ESYT3: variants seen among roughly 807,000 people sequenced by gnomAD.
The protein encoded by ESYT3 is extended synaptotagmin 3, also known as extended synaptotagmin-3.
In ESYT3, 101 loss-of-function variants were observed where a neutral mutation model predicts 111.5. The observed-to-expected ratio is 0.91, with a 90% CI of 0.77 to 1.07. The LOEUF (loss-of-function observed/expected upper bound fraction) is 1.07. Ranked by LOEUF, ESYT3 falls within the 50% of genes least tolerant of loss-of-function variation. ESYT3 has a pLI of 0.00. For missense variants in ESYT3, 1,097 were observed against 1,109.4 expected, an observed-to-expected ratio of 0.99 and a Z score of 0.16; for synonymous variants, 416 against 446.8, an observed-to-expected ratio of 0.93 and a Z score of 0.87.
chr3:138,443,268 T>C (rs1366709021), intron 1 of ESYT3, among the ~76,000 whole-genome samples: 2 of 152,242 alleles, frequency 1.3e-5, no homozygotes, highest in Non-Finnish European at 2.9e-5. Context: ...AAAGCAATTG[T>C]TTCCCTCAAA....
In ESYT3 at chr3:138,478,461, A is replaced by G. The variant is rs1286519778; in HGVS notation, c.*1607A>G. The G allele has an allele frequency of 2.6e-5, 4 of 152,212 alleles. No individual in the cohort carries two copies. Among genetic ancestry groups the G allele is most frequent in the Non-Finnish European group, 5.9e-5 (4 of 68,032 alleles). 9.4% of individuals were successfully genotyped at this position (152,212 alleles called of 1,614,324 possible). A position where few individuals can be genotyped will look rare whatever the true frequency, so the allele number is the denominator to read the frequency against. On this transcript the variant is annotated 3_prime_UTR_variant, in exon 23 of 23. Transcript: ENST00000389567. Reference sequence around the variant, plus strand: ...ATTCTAATTGCCCCCTAAATAGACAAGTGCCTTGAAAATGGAGAAGCACCA... The same window carrying G: ...ATTCTAATTGCCCCCTAAATAGACAGGTGCCTTGAAAATGGAGAAGCACCA...
At position 138,476,814 on chromosome 3, in the gene ESYT3, A is replaced by C. The variant is rs2033506031; in HGVS notation, c.2625-4A>C. 1 of 1,613,968 alleles carries C rather than the reference A, an allele frequency of 6.2e-7. No individual in the cohort carries two copies. Among genetic ancestry groups the C allele is most frequent in the Non-Finnish European group, 8.5e-7 (1 of 1,179,860 alleles). On this transcript the variant is annotated splice_polypyrimidine_tract_variant and splice_region_variant and intron_variant, in intron 22 of 22. Transcript: ENST00000389567. ...CGTTAAGTCCAAACGTAACTGTCTT[A>C]CAGGTATGAGCTGACTCCAAATGGA...
chr3:138,466,795 C>T (rs897064787), intron 10 of ESYT3, among the ~76,000 whole-genome samples: 2 of 152,140 alleles, frequency 1.3e-5, no homozygotes, highest in African/African-American at 4.8e-5. Context: ...GCAGGCTGTA[C>T]ATGAAGCATA....
Position 138,476,293 on chromosome 3 carries a change from C to T in ESYT3, c.2539C>T (p.Pro847Ser), listed in dbSNP as rs1202366820. 1.9e-6 allele frequency: 3 copies of T among 1,613,632 alleles called. No individual in the cohort carries two copies. The highest frequency in any genetic ancestry group is 2.5e-6 in the Non-Finnish European group (3 of 1,179,656). Reference protein sequence around the residue: ...SLDVAVKNSRPLGSHRRKELG... With the variant: ...SLDVAVKNSRSLGSHRRKELG... The stretch of plus-strand genomic sequence containing the variant: ...AGATGTTGCAGTGAAAAATAGTAGG[C>T]CACTTGGCTCACACAGAAGAAAGGA... The change falls in exon 21 of 23, where the codon CCA (proline) becomes TCA (serine). Residue 847 changes from proline (P) to serine (S), a missense_variant. Pro to Ser is a moderately conservative substitution (Grantham distance 74, BLOSUM62 -1). Transcript: ENST00000389567.
intron 11 of ESYT3, 21 bp downstream of exon 11, chr3:138,467,630 C>G: frequency 6.2e-7 from 1 of 1,613,182 alleles, no homozygotes; most frequent in African/African-American, 1.3e-5. Flanking sequence ...TGCTTGCAAC[C>G]CTCGGGGGAG....
rs1288594979 is a variant in ESYT3 at position 138,440,091 on chromosome 3, T to C, written c.327+4966T>C. 6.6e-6 allele frequency among the ~76,000 whole-genome samples: 1 copy of C among 152,212 alleles called. No homozygotes were observed. Among genetic ancestry groups the C allele is most frequent in the Non-Finnish European group, 1.5e-5 (1 of 68,032 alleles). Reference sequence around the variant, plus strand: ...TTCATAGCTGTAGGGTCTGCCATCATTAACCAGTCCCGAGCCTGCTTTTCT... The same window carrying C: ...TTCATAGCTGTAGGGTCTGCCATCACTAACCAGTCCCGAGCCTGCTTTTCT... On this transcript the variant is annotated intron_variant, in intron 1 of 22. Coordinates refer to ENST00000389567, the MANE Select transcript of ESYT3 (RefSeq NM_031913.5). This position sits in a 1 kb window ranked among gnomAD's most constrained non-coding sequence, Gnocchi z 4.2.
intron 9 of ESYT3, 97 bp downstream of exon 9, chr3:138,464,612 C>T (rs1385261986): frequency 7.6e-7 from 1 of 1,314,212 alleles, no homozygotes; most frequent in African/African-American, 1.5e-5. Context: ...GCCTTGGAGA[C>T]AGGCAGGTCT....
intron 1 of ESYT3, among the ~76,000 whole-genome samples, chr3:138,447,774 A>G (rs1222136716): frequency 1.3e-5 from 2 of 152,222 alleles, no homozygotes; most frequent in Non-Finnish European, 2.9e-5. Flanking sequence ...ATGTGAATAG[A>G]AAATGTGAAT....
At position 138,472,446 on chromosome 3, in the gene ESYT3, A is replaced by T; in HGVS notation, c.1824A>T (p.Lys608Asn). ...ALKKGPLLIK[K>N]VATNQGPKAQ... ...AGAAAGGCCCTCTGCTCATCAAGAA[A>T]GTGGCTACCAACCAGGGTCCCAAAG... The change falls in exon 18 of 23, where the codon AAA becomes AAT. Residue 608 changes from lysine (K) to asparagine (N), a missense_variant. Lys to Asn is a moderately conservative substitution (Grantham distance 94, BLOSUM62 0). Coordinates refer to ENST00000389567, the MANE Select transcript of ESYT3 (RefSeq NM_031913.5). 6.2e-7 allele frequency: 1 copy of T among 1,614,214 alleles called. No homozygotes were observed. The highest frequency in any genetic ancestry group is 8.5e-7 in the Non-Finnish European group (1 of 1,180,042).
At chr3:138,469,761 A>G (rs974257930) in intron 15 of ESYT3, among the ~76,000 whole-genome samples, 4 of 152,178 alleles carry the variant, frequency 2.6e-5, no homozygotes, top group Non-Finnish European at 5.9e-5. Flanking sequence ...CTTTCCACCA[A>G]TCATGAATTT....
chr3:138,458,093 G>A (rs938813072), intron 4 of ESYT3, among the ~76,000 whole-genome samples: 3 of 152,192 alleles, frequency 2.0e-5, no homozygotes, highest in African/African-American at 7.2e-5. Flanking sequence ...CATAATGGGT[G>A]TGAGTCAGGA....
Position 138,468,168 on chromosome 3 carries a change from C to T in ESYT3, c.1282C>T (p.Leu428Phe), listed in dbSNP as rs756937489. The T allele has an allele frequency of 8.7e-6, 14 of 1,613,846 alleles. No individual in the cohort carries two copies. The South Asian group carries it at 1.4e-4, about 16-fold the overall frequency. ...CCTGCGGCTGGAGTGGCTTTCATTG[C>T]TTACTGACCAAGAAGTTCTGACTGA... ...LHLRLEWLSLLTDQEVLTEDH... is the reference protein window; with the variant it reads ...LHLRLEWLSLFTDQEVLTEDH... The change falls in exon 12 of 23, where the codon CTT becomes TTT. Residue 428 changes from leucine (L) to phenylalanine (F), a missense_variant. Physicochemically the swap from Leu to Phe is conservative, Grantham distance 22 (BLOSUM62 0). Transcript: ENST00000389567.
chr3:138,461,449 G>T lies in ESYT3; in HGVS notation c.795-637G>T, dbSNP rs530477724. Reference sequence around the variant, plus strand: ...TGGACACACCTCCCCAGGAGGAAGGGACATTTGGACTGGTCAGGGCTGGCA... The same window carrying T: ...TGGACACACCTCCCCAGGAGGAAGGTACATTTGGACTGGTCAGGGCTGGCA... On this transcript the variant is annotated intron_variant, in intron 7 of 22. Transcript: ENST00000389567. 2.0e-5 allele frequency among the ~76,000 whole-genome samples: 3 copies of T among 152,304 alleles called. No homozygotes were observed. In the East Asian group the frequency reaches 5.8e-4, roughly 29 times the overall value.
At position 138,439,760 on chromosome 3, in the gene ESYT3, G is replaced by A. The variant is rs111614061; in HGVS notation, c.327+4635G>A. Among the ~76,000 whole-genome samples the A allele has an allele frequency of 2.2e-4, 33 of 152,324 alleles. 1 individual carries two copies. The highest frequency in any genetic ancestry group is 7.7e-4 in the African/African-American group (32 of 41,572). On this transcript the variant is annotated intron_variant, in intron 1 of 22. Coordinates refer to ENST00000389567, the MANE Select transcript of ESYT3 (RefSeq NM_031913.5). ...GCTCCAGGTTGGGGGAATGAGAGCC[G>A]GTAGTAGGAAAATAGCCTGAGGCAG...
chr3:138,448,714 G>A (rs1446837646), intron 1 of ESYT3, among the ~76,000 whole-genome samples: 1 of 152,156 alleles, frequency 6.6e-6, no homozygotes, highest in Non-Finnish European at 1.5e-5. Context: ...GTCAAAATGG[G>A]AAAGCACTGA....
intron 1 of ESYT3, among the ~76,000 whole-genome samples, chr3:138,449,749 A>T (rs2031801628): frequency 6.6e-6 from 1 of 152,232 alleles, no homozygotes; most frequent in Non-Finnish European, 1.5e-5. Flanking sequence ...AGTTCCTCTG[A>T]GAATGCTCCC....
chr3:138,438,956 G>A (rs964076684), intron 1 of ESYT3, among the ~76,000 whole-genome samples: 3 of 152,200 alleles, frequency 2.0e-5, no homozygotes, highest in Non-Finnish European at 4.4e-5. Flanking sequence ...GTTTACATGC[G>A]GATGCTCCTC....
At chr3:138,451,499 T>C (rs1317941326) in intron 1 of ESYT3, among the ~76,000 whole-genome samples, 1 of 152,234 alleles carries the variant, frequency 6.6e-6, no homozygotes, top group East Asian at 1.9e-4. Context: ...GTTTGTGTCA[T>C]TGAAACGAAT....
At chr3:138,451,271 G>A (rs941144682) in intron 1 of ESYT3, among the ~76,000 whole-genome samples, 1 of 152,186 alleles carries the variant, frequency 6.6e-6, no homozygotes, top group Admixed American at 6.5e-5. Context: ...GTGACTATAG[G>A]AAGGGCCTAA....
Sources: allele counts gnomAD v4.1 joint callset (sites outside exome capture counted in the v4.1 genomes callset), GRCh38; gene constraint gnomAD v4.1.1; non-coding constraint Gnocchi (gnomAD v3.1); transcripts MANE v1.5; gene names NCBI Gene and HGNC (gene_info 2026-07-23, HGNC 2026-07-21).